Variants in COPB1 observed in about 807,000 individuals in gnomAD.
The protein encoded by COPB1 is coat protein complex I subunit beta 1.
Under a neutral mutation model 108.7 loss-of-function variants are expected in COPB1, and 21 were observed. The observed-to-expected ratio is 0.19, with a 90% CI of 0.14 to 0.28. COPB1 has a LOEUF of 0.28. Ranked by LOEUF, COPB1 falls within the 10% of genes least tolerant of loss-of-function variation. The pLI, the probability that COPB1 is intolerant of heterozygous loss-of-function variation, is 1.00. For synonymous variants in COPB1, 378 were observed against 386.8 expected (o/e 0.98, Z 0.27); for missense variants, 919 against 1,141.3 (o/e 0.81, Z 2.81).
At chr11:14,488,467 A>C in intron 6 of COPB1, 25 bp downstream of exon 6, 1 of 1,461,332 alleles carries the variant, frequency 6.8e-7, no homozygotes, top group Non-Finnish European at 9.5e-7. Context: ...AGTTTATTTT[A>C]CTCATCATAG....
intron 14 of COPB1, among the ~76,000 whole-genome samples, chr11:14,470,843 T>C (rs1010518851): frequency 6.6e-6 from 1 of 150,704 alleles, no homozygotes; most frequent in Non-Finnish European, 1.5e-5. Flanking sequence ...AGGCATATCC[T>C]AATCAAATTA....
chr11:14,496,853 T>C (rs1037015879), intron 2 of COPB1, among the ~76,000 whole-genome samples: 4 of 151,892 alleles, frequency 2.6e-5, no homozygotes, highest in Non-Finnish European at 5.9e-5. Context: ...AAAACAGACA[T>C]AAAGACCCAT....
intron 2 of COPB1, among the ~76,000 whole-genome samples, chr11:14,495,421 G>T (rs183161142): frequency 6.6e-6 from 1 of 152,328 alleles, no homozygotes; most frequent in East Asian, 1.9e-4. Flanking sequence ...CTAAATATGA[G>T]AAATACATTT....
chr11:14,481,023 T>G lies in COPB1; in HGVS notation c.1032A>C (p.Ala344=). The part of the protein sequence containing the change: ...LEVRKKTLQL[A]LDLVSSRNVE... The stretch of plus-strand genomic sequence containing the variant: ...CATTTCTAGAAGAGACAAGATCCAG[T>G]GCTAACTGCAGAGTTTTCTTTCGTA... Residue 344 remains alanine, a synonymous_variant, in exon 9 of 22, where the codon GCA becomes GCC. Coordinates refer to ENST00000439561, the MANE Select transcript of COPB1 (RefSeq NM_001144061.2). The G allele has an allele frequency of 6.2e-7, 1 of 1,614,018 alleles. No homozygotes were observed. Among genetic ancestry groups the G allele is most frequent in the Non-Finnish European group, 8.5e-7 (1 of 1,179,964 alleles).
chr11:14,460,724 G>A (rs1850126896), intron 19 of COPB1, among the ~76,000 whole-genome samples: 1 of 151,984 alleles, frequency 6.6e-6, no homozygotes, highest in African/African-American at 2.4e-5. Context: ...GGCTGGTCTA[G>A]AACTCCTGAG....
Position 14,470,942 on chromosome 11 carries a change from A to ACTCT in COPB1, c.1738-1380_1738-1379insAGAG, listed in dbSNP as rs1251220260. Among the ~76,000 whole-genome samples the ACTCT allele has an allele frequency of 1.8e-4, 16 of 87,058 alleles. No homozygotes were observed. In the South Asian group the frequency reaches 2.1e-3, roughly 12 times the overall value. The allele number at this position is 87,058 out of a possible 152,430, so 57.1% of individuals were successfully genotyped here. A position where few individuals can be genotyped will look rare whatever the true frequency, so the allele number is the denominator to read the frequency against. On this transcript the variant is annotated intron_variant, in intron 14 of 21. Transcript: ENST00000439561. ...CACACACACACACACACACACACAC[A>ACTCT]CACTCTCTCTCTCTCTACACCCAGG...
chr11:14,471,719 AC>A (rs2134103705), intron 14 of COPB1, among the ~76,000 whole-genome samples: 1 of 152,238 alleles, frequency 6.6e-6, no homozygotes, highest in African/African-American at 2.4e-5. Flanking sequence ...GCAGTTCGAG[AC>A]CAGCCTGGTC....
At chr11:14,470,944 A>ACACACACT (rs1285522756) in intron 14 of COPB1, among the ~76,000 whole-genome samples, 529 of 90,104 alleles carry the variant, frequency 5.9e-3, no homozygotes, top group South Asian at 9.7e-3. Flanking sequence ...ACACACACAC[A>ACACACACT]CTCTCTCTCT....
chr11:14,497,343 GAAA>G (rs61639111), intron 2 of COPB1, among the ~76,000 whole-genome samples: 1 of 148,850 alleles, frequency 6.7e-6, no homozygotes, highest in Non-Finnish European at 1.5e-5. Flanking sequence ...AACTCTACAG[GAAA>G]AAAAAAAACT....
intron 16 of COPB1, 151 bp downstream of exon 16, chr11:14,468,530 A>T: frequency 4.5e-6 from 3 of 664,074 alleles, no homozygotes; most frequent in South Asian, 1.9e-5. Context: ...GTAGTAAGGT[A>T]CTTCATCAGC....
At chr11:14,470,378 T>A (rs1233497426) in intron 14 of COPB1, among the ~76,000 whole-genome samples, 1 of 152,188 alleles carries the variant, frequency 6.6e-6, no homozygotes, top group African/African-American at 2.4e-5. Flanking sequence ...CTAAGCGTGA[T>A]CACCTGATGC....
intron 11 of COPB1, among the ~76,000 whole-genome samples, chr11:14,477,726 C>T (rs531976834): frequency 9.3e-4 from 141 of 152,066 alleles, no homozygotes; most frequent in African/African-American, 3.4e-3. Flanking sequence ...GAAACCTCGT[C>T]TCTACTGAAA....
intron 2 of COPB1, among the ~76,000 whole-genome samples, chr11:14,495,481 G>T (rs1050116012): frequency 3.3e-5 from 5 of 152,176 alleles, no homozygotes; most frequent in African/African-American, 1.2e-4. Context: ...AGCGTCAGAT[G>T]CGGTGGTTCA....
chr11:14,491,669 C>CA (rs10550863), intron 4 of COPB1, among the ~76,000 whole-genome samples: 1 of 138,426 alleles, frequency 7.2e-6, no homozygotes, highest in Non-Finnish European at 1.6e-5. Context: ...AACTCTGTCT[C>CA]AAAAAAAAAA....
intron 21 of COPB1, 99 bp from the exon 22 acceptor site, chr11:14,457,982 T>C (rs1850064556): frequency 1.6e-6 from 1 of 631,548 alleles, no homozygotes; most frequent in African/African-American, 1.9e-5. Context: ...ATGACACCAT[T>C]ATCAACAATA....
rs761859954 is a variant in COPB1, at chr11:14,460,227, T to C, written c.2627A>G (p.Lys876Arg). The change falls in exon 20 of 22, where the codon AAA becomes AGA. Residue 876 changes from lysine (K) to arginine (R), a missense_variant. Physicochemically the swap from Lys to Arg is conservative, Grantham distance 26 (BLOSUM62 2). Transcript: ENST00000439561. ...TTTTACCTTTTCTGGAGTCAGGCAT[T>C]TCATATTGGTTGACTTTAATATGTG... ...LQHILKSTNM[K>R]CLTPEKALSG... The C allele has an allele frequency of 1.2e-6, 2 of 1,609,504 alleles. No individual in the cohort carries two copies. The highest frequency in any genetic ancestry group is 2.2e-5 in the South Asian group (2 of 90,734).
At chr11:14,487,594 G>A (rs1850802444) in intron 6 of COPB1, among the ~76,000 whole-genome samples, 1 of 151,900 alleles carries the variant, frequency 6.6e-6, no homozygotes, top group Non-Finnish European at 1.5e-5. Flanking sequence ...AGAATCGCTT[G>A]AGCCCAGGAG....
intron 3 of COPB1, 47 bp downstream of exon 3, chr11:14,494,163 C>A: frequency 7.6e-7 from 1 of 1,319,288 alleles, no homozygotes; most frequent in South Asian, 1.3e-5. Context: ...ACCAATTTTA[C>A]ATTTAAATTC....
rs1158435666 is a variant in COPB1 at position 14,468,594 on chromosome 11, GTTATC to G, written c.2145+82_2145+86del. ...CCTATCACAGTGACTTGACAAAATAGTTATCTTTCTTTTAAAAATAGCAGCACTAA... is the reference window on the plus strand; with the variant it reads ...CCTATCACAGTGACTTGACAAAATAGTTTCTTTTAAAAATAGCAGCACTAA... On this transcript the variant is annotated intron_variant, in intron 16 of 21. Transcript: ENST00000439561. 3.0e-6 allele frequency: 4 copies of G among 1,319,448 alleles called. No individual in the cohort carries two copies. The African/African-American group carries it at 5.9e-5, about 19-fold the overall frequency. The allele number at this position is 1,319,448 out of a possible 1,614,324, so 81.7% of individuals were successfully genotyped here.
Sources: gnomAD v4.1 joint callset for allele counts (sites outside exome capture counted in the v4.1 genomes callset) on GRCh38, gnomAD v4.1.1 for gene constraint, MANE v1.5 for transcripts, NCBI Gene and HGNC (gene_info 2026-07-23, HGNC 2026-07-21) for gene names.